The following SCD5 variants were observed in gnomAD, a reference collection of about 807,000 sequenced individuals.
SCD5 encodes the protein acyl-CoA-desaturase 4.
Under a neutral mutation model 30.4 loss-of-function variants are expected in SCD5, and 20 were observed. The observed-to-expected ratio is 0.66, with a 90% CI of 0.46 to 0.96. The LOEUF is 0.96. Ranked by LOEUF, SCD5 falls within the 40% of genes least tolerant of loss-of-function variation. The pLI, the probability that SCD5 is intolerant of heterozygous loss-of-function variation, is 0.00. For missense variants in SCD5, 381 were observed against 443.3 expected, an observed-to-expected ratio of 0.86 and a Z score of 1.26; for synonymous variants, 173 against 176.4, an observed-to-expected ratio of 0.98 and a Z score of 0.16.
chr4:82,639,422 A>G (rs1297384679), intron 3 of SCD5, among the ~76,000 whole-genome samples: 1 of 152,218 alleles, frequency 6.6e-6, no homozygotes, highest in Non-Finnish European at 1.5e-5. Context: ...AGTGGATCCG[A>G]TGGGGCGTTC....
At chr4:82,666,819 A>G in intron 3 of SCD5, among the ~76,000 whole-genome samples, 1 of 152,348 alleles carries the variant, frequency 6.6e-6, no homozygotes, top group South Asian at 2.1e-4. Flanking sequence ...AATCAAGGCT[A>G]TGGGAAGCCA....
chr4:82,787,709 G>A (rs1478627362), intron 1 of SCD5, among the ~76,000 whole-genome samples: 4 of 152,096 alleles, frequency 2.6e-5, no homozygotes, highest in African/African-American at 9.7e-5. Flanking sequence ...ATCAGGAATG[G>A]GATTAGTGCC....
intron 1 of SCD5, chr4:82,775,856 G>GAA: frequency 6.9e-6 from 1 of 143,966 alleles, no homozygotes; most frequent in East Asian, 2.0e-4. Context: ...CTGTCAAAAA[G>GAA]AAAAAAAAAA....
At chr4:82,705,211 C>A in intron 2 of SCD5, 72 bp downstream of exon 2, 1 of 1,564,994 alleles carries the variant, frequency 6.4e-7, no homozygotes, top group Non-Finnish European at 8.7e-7. Context: ...GGGTGTCAGC[C>A]CATCTTTCCC....
chr4:82,683,993 A>C (rs1479568129), intron 2 of SCD5, among the ~76,000 whole-genome samples: 1 of 152,216 alleles, frequency 6.6e-6, no homozygotes, highest in Non-Finnish European at 1.5e-5. Context: ...ATGGCTGTTT[A>C]ATTCAATGTC....
At chr4:82,779,429 T>C (rs889297979) in intron 1 of SCD5, among the ~76,000 whole-genome samples, 1 of 152,208 alleles carries the variant, frequency 6.6e-6, no homozygotes, top group Admixed American at 6.5e-5. Context: ...ACTTTGATTT[T>C]AGTCCAGTGA....
Position 82,724,027 on chromosome 4 carries a change from A to C in SCD5, c.233-18614T>G, listed in dbSNP as rs192896791. On this transcript the variant is annotated intron_variant, in intron 1 of 4. Coordinates refer to ENST00000319540, the MANE Select transcript of SCD5 (RefSeq NM_001037582.3). ...TCATTTAGGTGTAAATGGCCACAAC[A>C]TCTGCAACTTACTTTCAAATGGCTG... 2.9e-3 allele frequency among the ~76,000 whole-genome samples: 435 copies of C among 152,356 alleles called. 4 individuals are homozygous for C. Among genetic ancestry groups the C allele is most frequent in the African/African-American group, 0.01 (423 of 41,586 alleles).
In SCD5 at chr4:82,724,247, T is replaced by C. The variant is rs117155753; in HGVS notation, c.233-18834A>G. 6.8e-4 allele frequency among the ~76,000 whole-genome samples: 104 copies of C among 152,352 alleles called. 1 individual carries two copies. The East Asian group carries it at 0.018, about 26-fold the overall frequency. ...ATACCGAATTTCATCTTTCTCTTTT[T>C]AGGTCTAACATTAACACCAACCACA... is the stretch of plus-strand genomic sequence containing the variant. On this transcript the variant is annotated intron_variant, in intron 1 of 4. Transcript: ENST00000319540.
chr4:82,798,511 C>A lies in SCD5; in HGVS notation c.27G>T (p.Gly9=). MPGPATDA[G]KIPFCDAKEE... ...CCTTGGCGTCGCAGAAAGGGATCTT[C>A]CCCGCGTCGGTGGCCGGGCCTGGCA... is the stretch of plus-strand genomic sequence containing the variant. Residue 9 remains glycine, a synonymous_variant, in exon 1 of 5, where the codon GGG becomes GGT. Transcript: ENST00000319540. 6.2e-7 allele frequency: 1 copy of A among 1,605,880 alleles called. No individual in the cohort carries two copies. The highest frequency in any genetic ancestry group is 8.5e-7 in the Non-Finnish European group (1 of 1,176,678).
chr4:82,646,727 C>A (rs1727641046), intron 3 of SCD5, among the ~76,000 whole-genome samples: 1 of 152,198 alleles, frequency 6.6e-6, no homozygotes, highest in African/African-American at 2.4e-5. Flanking sequence ...CATCTCCTCC[C>A]CTGTGGAGGA....
At chr4:82,740,707 C>T (rs1720854657) in intron 1 of SCD5, among the ~76,000 whole-genome samples, 2 of 152,218 alleles carry the variant, frequency 1.3e-5, no homozygotes, top group Admixed American at 6.5e-5. Context: ...TTTCTCTCCT[C>T]CCTCCTCTCA....
chr4:82,717,369 C>T (rs1212061595), intron 1 of SCD5, among the ~76,000 whole-genome samples: 1 of 151,650 alleles, frequency 6.6e-6, no homozygotes, highest in African/African-American at 2.4e-5. Flanking sequence ...CAGGATAACT[C>T]CCATCACAAC....
intron 3 of SCD5, among the ~76,000 whole-genome samples, chr4:82,648,139 T>G (rs1251910710): frequency 6.6e-6 from 1 of 152,232 alleles, no homozygotes; most frequent in East Asian, 1.9e-4. Flanking sequence ...GCTATCTCAG[T>G]CGGGCTGGAC....
intron 1 of SCD5, among the ~76,000 whole-genome samples, chr4:82,744,475 C>T (rs1036542680): frequency 6.6e-6 from 1 of 152,168 alleles, no homozygotes. Flanking sequence ...TGTATCCCCA[C>T]GACCGTGGGA....
At chr4:82,785,230 G>A (rs1304007845) in intron 1 of SCD5, among the ~76,000 whole-genome samples, 1 of 152,210 alleles carries the variant, frequency 6.6e-6, no homozygotes, top group African/African-American at 2.4e-5. Flanking sequence ...TTGAAAAGAA[G>A]CAGATACAAG....
intron 1 of SCD5, among the ~76,000 whole-genome samples, chr4:82,736,185 G>A (rs1720746199): frequency 6.6e-6 from 1 of 152,100 alleles, no homozygotes; most frequent in Admixed American, 6.5e-5. Flanking sequence ...CTACTCTGGA[G>A]GCTGAGGTGG....
chr4:82,761,434 G>A (rs1721362860), intron 1 of SCD5, among the ~76,000 whole-genome samples: 1 of 152,180 alleles, frequency 6.6e-6, no homozygotes, highest in Non-Finnish European at 1.5e-5. Context: ...CAGCTGAGCT[G>A]TTTCCATGGA....
intron 3 of SCD5, chr4:82,660,634 G>A: frequency 7.3e-7 from 1 of 1,369,846 alleles, no homozygotes; most frequent in South Asian, 1.6e-5. Context: ...TCTAGATGTG[G>A]AAATAGAATC....
At chr4:82,763,367 C>T (rs1343649857) in intron 1 of SCD5, among the ~76,000 whole-genome samples, 1 of 151,998 alleles carries the variant, frequency 6.6e-6, no homozygotes, top group African/African-American at 2.4e-5. Flanking sequence ...AAAAATTAGC[C>T]AGGTGTGGTG....
Sources: allele counts gnomAD v4.1 joint callset (sites outside exome capture counted in the v4.1 genomes callset), GRCh38; gene constraint gnomAD v4.1.1; transcripts MANE v1.5; gene names NCBI Gene and HGNC (gene_info 2026-07-23, HGNC 2026-07-21).